PCDHA13: variants seen among roughly 807,000 people sequenced by gnomAD.
The protein encoded by PCDHA13 is protocadherin alpha 13.
A neutral mutation model predicts 64.8 loss-of-function variants in PCDHA13; 54 were observed. That is an observed-to-expected ratio of 0.83 (90% CI 0.67 to 1.04). PCDHA13 has a LOEUF of 1.04. Ranked by LOEUF, PCDHA13 falls within the 50% of genes least tolerant of loss-of-function variation. The pLI is 0.00. For missense variants in PCDHA13, 1,248 were observed against 1,254.3 expected (o/e 0.99, Z 0.08); for synonymous variants, 587 against 564.4 (o/e 1.04, Z -0.57).
intron 1 of PCDHA13, chr5:140,968,146 T>C: frequency 6.2e-7 from 1 of 1,614,140 alleles, no homozygotes. Flanking sequence ...TTGAGATCTC[T>C]GACATCAATG....
chr5:140,994,394 T>C (rs1332946220), intron 3 of PCDHA13, among the ~76,000 whole-genome samples: 1 of 152,110 alleles, frequency 6.6e-6, no homozygotes, highest in African/African-American at 2.4e-5. Flanking sequence ...AGTCAGAGAT[T>C]ATTTGACATT....
chr5:140,893,583 T>G (rs535910), intron 1 of PCDHA13, among the ~76,000 whole-genome samples: 7,078 of 152,294 alleles, frequency 0.046, 293 homozygotes, highest in African/African-American at 0.11. Context: ...TTTGCTTGTT[T>G]GGGAAATACT....
chr5:140,975,811 A>G (rs2096684538), intron 1 of PCDHA13, among the ~76,000 whole-genome samples: 3 of 134,728 alleles, frequency 2.2e-5, no homozygotes, highest in Non-Finnish European at 5.2e-5. Context: ...TATAATTTTA[A>G]TAGGAACTGA....
intron 1 of PCDHA13, among the ~76,000 whole-genome samples, chr5:140,970,530 T>C (rs1554232541): frequency 6.6e-6 from 1 of 151,424 alleles, no homozygotes; most frequent in Non-Finnish European, 1.5e-5. Context: ...GATGAATATG[T>C]GTGTGTGTTT....
chr5:141,002,080 C>A (rs1220737696), intron 3 of PCDHA13, among the ~76,000 whole-genome samples: 1 of 152,236 alleles, frequency 6.6e-6, no homozygotes, highest in Non-Finnish European at 1.5e-5. Context: ...CGCCAAAGAA[C>A]GAGCAGTCCA....
intron 1 of PCDHA13, chr5:140,929,372 G>A: frequency 1.3e-6 from 2 of 1,514,740 alleles, no homozygotes; most frequent in Non-Finnish European, 1.8e-6. Context: ...GGAGATGGCT[G>A]CTAGCTGTGT....
intron 1 of PCDHA13, among the ~76,000 whole-genome samples, chr5:140,937,818 A>T (rs190175998): frequency 0.029 from 4,407 of 151,960 alleles, 79 homozygotes; most frequent in Admixed American, 0.046. Context: ...AAGCTGAGGC[A>T]GGAGAATGGC....
chr5:140,969,128 A>T (rs140518271), intron 1 of PCDHA13: 11 of 1,614,040 alleles, frequency 6.8e-6, no homozygotes, highest in Non-Finnish European at 9.3e-6. Context: ...TGGCTCCCTC[A>T]CCAAGACCTA....
chr5:140,893,294 T>C (rs539821362), intron 1 of PCDHA13, among the ~76,000 whole-genome samples: 97 of 152,304 alleles, frequency 6.4e-4, no homozygotes, highest in African/African-American at 2.3e-3. Flanking sequence ...ATATGGTAGT[T>C]CTATTTGTAG....
chr5:140,964,785 C>G (rs890090665), intron 1 of PCDHA13, among the ~76,000 whole-genome samples: 40 of 151,526 alleles, frequency 2.6e-4, no homozygotes, highest in African/African-American at 9.7e-4. Context: ...GAGGAAGAAG[C>G]CAGAGACCCA....
At chr5:140,944,304 C>T (rs1383475197) in intron 1 of PCDHA13, among the ~76,000 whole-genome samples, 1 of 152,162 alleles carries the variant, frequency 6.6e-6, no homozygotes, top group Non-Finnish European at 1.5e-5. Context: ...CCTCCTACCT[C>T]AGCCTCCTGA....
chr5:140,884,733 T>C lies in PCDHA13; in HGVS notation c.2394+71T>C, dbSNP rs782206169. On this transcript the variant is annotated intron_variant, in intron 1 of 3. Transcript: ENST00000289272. ...TCCTTGCAGTTGTTTGTTTAAGACA[T>C]CTTTCCTGCCAATTTCAAATTATTC... 1.1e-4 allele frequency: 158 copies of C among 1,448,002 alleles called. No homozygotes were observed. The Middle Eastern group carries it at 1.8e-3, about 17-fold the overall frequency. The allele number at this position is 1,448,002 out of a possible 1,614,324, so 89.7% of individuals were successfully genotyped here. A position where few individuals can be genotyped will look rare whatever the true frequency, so the allele number is the denominator to read the frequency against.
chr5:140,962,389 G>A (rs551530521), intron 1 of PCDHA13, among the ~76,000 whole-genome samples: 3 of 152,170 alleles, frequency 2.0e-5, no homozygotes, highest in African/African-American at 4.8e-5. Context: ...TTAATATTAC[G>A]CAATCTGCCC....
chr5:140,977,266 A>G (rs2096753154), intron 1 of PCDHA13, among the ~76,000 whole-genome samples: 3 of 152,240 alleles, frequency 2.0e-5, no homozygotes, highest in Admixed American at 1.3e-4. Context: ...CAGATGTTAC[A>G]GTCTTTCTCA....
At position 140,883,650 on chromosome 5, in the gene PCDHA13, C is replaced by A; in HGVS notation, c.1382C>A (p.Thr461Lys). The change falls in exon 1 of 4, where the codon ACG becomes AAG. Residue 461 changes from threonine to lysine, a missense_variant. Transcript: ENST00000289272. ...CCGGCGTTCGCGCAGCCCGAGTACACGGTGTTCGTGAAGGAAAACAATCCG... is the reference window on the plus strand; with the variant it reads ...CCGGCGTTCGCGCAGCCCGAGTACAAGGTGTTCGTGAAGGAAAACAATCCG... ...NAPAFAQPEY[T>K]VFVKENNPPG... The A allele has an allele frequency of 6.2e-7, 1 of 1,613,572 alleles. No individual in the cohort carries two copies. Among genetic ancestry groups the A allele is most frequent in the East Asian group, 2.2e-5 (1 of 44,808 alleles).
At position 140,882,580 on chromosome 5, in the gene PCDHA13, C is replaced by T. The variant is rs371338305; in HGVS notation, c.312C>T (p.Ile104=). The change falls in exon 1 of 4, where the codon ATC becomes ATT. Residue 104 remains isoleucine (I), a synonymous_variant. Coordinates refer to ENST00000289272, the MANE Select transcript of PCDHA13 (RefSeq NM_018904.3). ...GTGGGCGGAGCGCGGAGTGCAGCAT[C>T]CACCTGGAGGTGATCGTGGACAGGC... ...ELCGRSAECS[I]HLEVIVDRPL... 1.2e-6 allele frequency: 2 copies of T among 1,614,126 alleles called. No individual in the cohort carries two copies. Among genetic ancestry groups the T allele is most frequent in the African/African-American group, 2.7e-5 (2 of 74,944 alleles).
chr5:140,972,837 T>C (rs1328315293), intron 1 of PCDHA13, among the ~76,000 whole-genome samples: 1 of 152,004 alleles, frequency 6.6e-6, no homozygotes, highest in Non-Finnish European at 1.5e-5. Context: ...CTAATTTTTG[T>C]ATTTTTAGTA....
At chr5:140,915,622 T>TTCTC (rs1418940406) in intron 1 of PCDHA13, among the ~76,000 whole-genome samples, 2 of 128,520 alleles carry the variant, frequency 1.6e-5, no homozygotes, top group South Asian at 2.5e-4. Flanking sequence ...AACAGTCTCT[T>TTCTC]TCTGTCTCTC....
At chr5:140,967,135 G>A in intron 1 of PCDHA13, 1 of 1,611,752 alleles carries the variant, frequency 6.2e-7, no homozygotes, top group South Asian at 1.1e-5. Context: ...GCTTGGAAGT[G>A]CTGGCGCACA....
Sources: allele counts gnomAD v4.1 joint callset (sites outside exome capture counted in the v4.1 genomes callset), GRCh38; gene constraint gnomAD v4.1.1; transcripts MANE v1.5; gene names NCBI Gene and HGNC (gene_info 2026-07-23, HGNC 2026-07-21).